The following CD9 variants were observed in gnomAD, a reference collection of about 807,000 sequenced individuals.
The protein encoded by CD9 is CD9 molecule.
CD9 carries 10 observed loss-of-function variants against 31.4 expected under a neutral mutation model. The observed-to-expected ratio is 0.32, with a 90% CI of 0.20 to 0.54. The LOEUF is 0.54. Ranked by LOEUF, CD9 falls within the 20% of genes least tolerant of loss-of-function variation. The pLI, the probability that CD9 is intolerant of heterozygous loss-of-function variation, is 0.94. For missense variants in CD9, 259 were observed against 300.1 expected, an observed-to-expected ratio of 0.86 and a Z score of 1.01; for synonymous variants, 113 against 114.1, an observed-to-expected ratio of 0.99 and a Z score of 0.06.
chr12:6,230,822 A>G (rs1420729237), intron 2 of CD9, among the ~76,000 whole-genome samples: 1 of 152,236 alleles, frequency 6.6e-6, no homozygotes, highest in East Asian at 1.9e-4. Flanking sequence ...CCAGGCATGC[A>G]CAAGAACAAT....
intron 1 of CD9, among the ~76,000 whole-genome samples, chr12:6,220,580 C>T (rs1946283237): frequency 6.6e-6 from 1 of 152,120 alleles, no homozygotes; most frequent in Non-Finnish European, 1.5e-5. Flanking sequence ...TTAGGGAGAC[C>T]TGTCTGTGTC....
intron 1 of CD9, among the ~76,000 whole-genome samples, chr12:6,222,434 T>G (rs1946303994): frequency 6.6e-6 from 1 of 152,224 alleles, no homozygotes; most frequent in Admixed American, 6.5e-5. Flanking sequence ...TGGCAGCTTT[T>G]CCCATTTCTC....
At chr12:6,228,335 C>T (rs1191334275) in intron 2 of CD9, among the ~76,000 whole-genome samples, 7 of 151,968 alleles carry the variant, frequency 4.6e-5, no homozygotes, top group Non-Finnish European at 8.8e-5. Flanking sequence ...GCAGATCACC[C>T]GAGGTCAGGA....
chr12:6,230,341 C>T (rs1946427246), intron 2 of CD9, among the ~76,000 whole-genome samples: 1 of 152,268 alleles, frequency 6.6e-6, no homozygotes, highest in African/African-American at 2.4e-5. Flanking sequence ...TAACCACAAG[C>T]CCCATTAGGA....
chr12:6,229,062 C>G (rs964946577), intron 2 of CD9, among the ~76,000 whole-genome samples: 2 of 152,252 alleles, frequency 1.3e-5, no homozygotes, highest in Non-Finnish European at 2.9e-5. Context: ...TGGGCCTTCT[C>G]TCCAATCCAG....
intron 1 of CD9, among the ~76,000 whole-genome samples, chr12:6,215,354 G>C (rs576877370): frequency 6.6e-6 from 1 of 152,174 alleles, no homozygotes; most frequent in Non-Finnish European, 1.5e-5. Flanking sequence ...GTAAATGAAG[G>C]CCTAGAGTAG....
chr12:6,236,664 T>C (rs1429444384), intron 7 of CD9: 7 of 419,168 alleles, frequency 1.7e-5, no homozygotes, highest in South Asian at 9.6e-5. Context: ...TTTCCTGAAG[T>C]GCATCTGAAC....
intron 2 of CD9, among the ~76,000 whole-genome samples, chr12:6,230,293 A>C (rs1036760613): frequency 6.6e-6 from 1 of 152,218 alleles, no homozygotes; most frequent in Non-Finnish European, 1.5e-5. Context: ...TGATCCTAAA[A>C]TCTTCCTCTG....
At chr12:6,234,079 T>G (rs1946485534) in intron 4 of CD9, among the ~76,000 whole-genome samples, 1 of 151,302 alleles carries the variant, frequency 6.6e-6, no homozygotes, top group Non-Finnish European at 1.5e-5. Context: ...CTCTTTTGGC[T>G]TCATAGAGAA....
At chr12:6,225,740 T>C (rs941304597) in intron 2 of CD9, 90 of 575,116 alleles carry the variant, frequency 1.6e-4, no homozygotes, top group Admixed American at 1.2e-4. Context: ...TGTGGTTTCT[T>C]TTCCTGATGG....
intron 6 of CD9, chr12:6,235,828 C>T: frequency 7.3e-7 from 1 of 1,377,366 alleles, no homozygotes; most frequent in Non-Finnish European, 9.4e-7. Context: ...GGCAGGCGTG[C>T]TTCTGAGTCT....
intron 4 of CD9, among the ~76,000 whole-genome samples, 196 bp from the exon 5 acceptor site, chr12:6,235,032 GT>G (rs1472240311): frequency 3.2e-4 from 49 of 152,370 alleles, no homozygotes; most frequent in African/African-American, 1.1e-3. Flanking sequence ...TCTGGAGGAT[GT>G]GGGAGGAGAT....
intron 1 of CD9, among the ~76,000 whole-genome samples, chr12:6,202,656 G>C (rs1027026193): frequency 6.6e-6 from 1 of 152,226 alleles, no homozygotes; most frequent in Non-Finnish European, 1.5e-5. Context: ...CAATCTGTCC[G>C]TACTGTCCTC....
chr12:6,230,640 T>A (rs1946431545), intron 2 of CD9, among the ~76,000 whole-genome samples: 1 of 152,232 alleles, frequency 6.6e-6, no homozygotes, highest in Admixed American at 6.5e-5. Flanking sequence ...GGGGCCTTTC[T>A]ACTGTCCCCA....
intron 1 of CD9, among the ~76,000 whole-genome samples, chr12:6,219,404 TGTC>T (rs900352392): frequency 1.3e-5 from 2 of 152,204 alleles, no homozygotes; most frequent in Non-Finnish European, 2.9e-5. Flanking sequence ...GGGAAATTGT[TGTC>T]ATTCCCCAAA....
At chr12:6,223,406 C>T (rs1235274982) in intron 1 of CD9, among the ~76,000 whole-genome samples, 24 of 152,250 alleles carry the variant, frequency 1.6e-4, no homozygotes, top group Admixed American at 1.2e-3. Flanking sequence ...GGACTACAGG[C>T]GCCCGCCACC....
At chr12:6,228,201 G>A (rs547839406) in intron 2 of CD9, among the ~76,000 whole-genome samples, 115 of 152,310 alleles carry the variant, frequency 7.6e-4, no homozygotes, top group Non-Finnish European at 1.5e-3. Flanking sequence ...CTGCAGAAGC[G>A]CCGGCAAGGG....
rs1428374649 is a variant in CD9 at position 6,213,349 on chromosome 12, G to A, written c.67-12077G>A. ...CCCTCTCGAACACGAATTGGAGGAC[G>A]TATCTTTCCACCTGTCTATAAAACA... On this transcript the variant is annotated intron_variant, in intron 1 of 7. Transcript: ENST00000009180. 2.0e-5 allele frequency among the ~76,000 whole-genome samples: 3 copies of A among 152,302 alleles called. No individual in the cohort carries two copies. The South Asian group carries it at 6.2e-4, about 32-fold the overall frequency.
intron 1 of CD9, among the ~76,000 whole-genome samples, chr12:6,217,900 A>C (rs1455348973): frequency 6.6e-6 from 1 of 152,148 alleles, no homozygotes; most frequent in Non-Finnish European, 1.5e-5. Context: ...AAGGCAGCTG[A>C]ATAGAGGAAG....
Sources: allele counts gnomAD v4.1 joint callset (sites outside exome capture counted in the v4.1 genomes callset), GRCh38; gene constraint gnomAD v4.1.1; transcripts MANE v1.5; gene names NCBI Gene and HGNC (gene_info 2026-07-23, HGNC 2026-07-21).